Variants in TRPM4 observed in about 807,000 individuals in gnomAD.
TRPM4 encodes transient receptor potential cation channel subfamily M member 4.
Under a neutral mutation model 135.6 loss-of-function variants are expected in TRPM4, and 124 were observed. The observed-to-expected ratio is 0.91, with a 90% CI of 0.79 to 1.06. TRPM4 has a LOEUF of 1.06. Among genes scored for constraint, TRPM4 ranks in the 50% least tolerant of loss-of-function variants. The pLI, the probability that TRPM4 is intolerant of heterozygous loss-of-function variation, is 0.00. For missense variants in TRPM4, 1,658 were observed against 1,671.4 expected, an observed-to-expected ratio of 0.99 and a Z score of 0.14; for synonymous variants, 745 against 705.6, an observed-to-expected ratio of 1.06 and a Z score of -0.88.
chr19:49,211,193 G>T lies in TRPM4; in HGVS notation c.3564G>T (p.Trp1188Cys). Reference protein sequence around the residue: ...EVQQCSRVLGWVAEALSRSAL... With the variant: ...EVQQCSRVLGCVAEALSRSAL... ...AGCAGTGTAGCCGCGTCCTGGGGTG[G>T]GTGGCCGAGGCCCTGAGCCGCTCTG... The change falls in exon 24 of 25, where the codon TGG (tryptophan) becomes TGT (cysteine). Residue 1188 changes from tryptophan (W) to cysteine (C), a missense_variant. This residue lies in a region of TRPM4 where 1,412 missense variants were observed against 1,408.7 expected (regional missense o/e 1.00). Transcript: ENST00000252826. The surrounding 1 kb of genome is among the most constrained non-coding windows in gnomAD (Gnocchi z 4.8). 1 of 1,603,162 alleles carries T rather than the reference G, an allele frequency of 6.2e-7. No individual in the cohort carries two copies. The highest frequency in any genetic ancestry group is 8.5e-7 in the Non-Finnish European group (1 of 1,175,604).
Position 49,166,075 on chromosome 19 carries a change from G to T in TRPM4, c.127G>T (p.Ala43Ser), listed in dbSNP as rs112149155. 2 of 1,600,998 alleles carry T rather than the reference G, an allele frequency of 1.2e-6. No individual in the cohort carries two copies. Among genetic ancestry groups the T allele is most frequent in the South Asian group, 2.2e-5 (2 of 89,056 alleles). ...TLCQCGRPRT[A>S]HPAVAMEDAF... ...GTGCCAGTGTGGGCGCCCCCGGACC[G>T]CCCACCCCGCAGTGGCCATGGAGGA... The change falls in exon 3 of 25, where the codon GCC (alanine) becomes TCC (serine). Residue 43 changes from alanine to serine, a missense_variant. Physicochemically the swap from Ala to Ser is moderately conservative, Grantham distance 99. Transcript: ENST00000252826.
chr19:49,182,556 C>T (rs747015539), intron 10 of TRPM4, 22 bp from the exon 11 acceptor site: 3 of 1,603,376 alleles, frequency 1.9e-6, no homozygotes, highest in Admixed American at 1.7e-5. Context: ...AATCTCTTCC[C>T]CTATTCATCC....
Position 49,210,492 on chromosome 19 carries a change from T to G in TRPM4, c.3328+87T>G, listed in dbSNP as rs957848703. On this transcript the variant is annotated intron_variant, in intron 21 of 24. Coordinates refer to ENST00000252826, the MANE Select transcript of TRPM4 (RefSeq NM_017636.4). This position sits in a 1 kb window ranked among gnomAD's most constrained non-coding sequence, Gnocchi z 4.1. ...GGGAAGGGGGCATGCCCCAAATGAC[T>G]AACGGGCGTGGCTTAGGTAGCGAGG... 2 of 1,523,344 alleles carry G rather than the reference T, an allele frequency of 1.3e-6. No homozygotes were observed. The highest frequency in any genetic ancestry group is 2.7e-5 in the African/African-American group (2 of 73,236). The allele number at this position is 1,523,344 out of a possible 1,614,324, so 94.4% of individuals were successfully genotyped here.
chr19:49,205,696 C>G (rs948921834), intron 20 of TRPM4, among the ~76,000 whole-genome samples: 11 of 151,536 alleles, frequency 7.3e-5, no homozygotes, highest in African/African-American at 2.7e-4. Flanking sequence ...CCACTATACA[C>G]AGCTAATTTT....
intron 3 of TRPM4, among the ~76,000 whole-genome samples, chr19:49,166,502 C>G (rs1331411765): frequency 1.7e-5 from 1 of 57,954 alleles, no homozygotes; most frequent in Non-Finnish European, 3.9e-5. Flanking sequence ...CTGTCCCCCT[C>G]TCTCTCTGGG....
At chr19:49,190,126 G>A in intron 14 of TRPM4, 82 bp from the exon 15 acceptor site, 1 of 1,126,708 alleles carries the variant, frequency 8.9e-7, no homozygotes, top group Non-Finnish European at 1.4e-6. Flanking sequence ...GTACTCTGGA[G>A]CTGCAGTCCA....
In TRPM4 at chr19:49,188,962, C is replaced by T; in HGVS notation, c.1890C>T (p.Cys630=). The change falls in exon 14 of 25, where the codon TGC becomes TGT. Residue 630 remains cysteine, a synonymous_variant. Coordinates refer to ENST00000252826, the MANE Select transcript of TRPM4 (RefSeq NM_017636.4). ...EGMGVDLFGE[C]YRSSEVRAAR... is the part of the protein sequence containing the mutation. ...CTGCCCCAGACCTCTTTGGCGAGTG[C>T]TATCGCAGCAGTGAGGTGAGGGCTG... 1.2e-6 allele frequency: 2 copies of T among 1,614,130 alleles called. No individual in the cohort carries two copies. Among genetic ancestry groups the T allele is most frequent in the Non-Finnish European group, 1.7e-6 (2 of 1,180,032 alleles).
intron 20 of TRPM4, among the ~76,000 whole-genome samples, chr19:49,202,914 G>A (rs1208402343): frequency 4.1e-5 from 5 of 122,334 alleles, no homozygotes; most frequent in Middle Eastern, 0.011. Flanking sequence ...ACGGAGTCTC[G>A]CTGTGTCACC....
chr19:49,202,585 A>G (rs1205619619), intron 20 of TRPM4, among the ~76,000 whole-genome samples: 1 of 152,050 alleles, frequency 6.6e-6, no homozygotes, highest in East Asian at 1.9e-4. Context: ...CCTGGACTCA[A>G]GTGATCCTCC....
intron 2 of TRPM4, among the ~76,000 whole-genome samples, chr19:49,160,825 G>A (rs1316112609): frequency 1.3e-5 from 2 of 152,106 alleles, no homozygotes; most frequent in Admixed American, 6.6e-5. Flanking sequence ...GTAGTGGCCT[G>A]AGCCAGGTCA....
At chr19:49,190,348 G>C in intron 15 of TRPM4, 28 bp downstream of exon 15, 1 of 1,598,286 alleles carries the variant, frequency 6.3e-7, no homozygotes, top group Non-Finnish European at 8.6e-7. Context: ...AGAGTGGTGG[G>C]GATGGGGGCG....
chr19:49,159,449 T>G (rs1307256092), intron 2 of TRPM4: 3 of 152,250 alleles, frequency 2.0e-5, no homozygotes, highest in Non-Finnish European at 4.4e-5. Flanking sequence ...ATTACAGGTG[T>G]GAGCCACCGC....
At chr19:49,190,150 G>T (rs948746851) in intron 14 of TRPM4, 58 bp from the exon 15 acceptor site, 1 of 1,451,190 alleles carries the variant, frequency 6.9e-7, no homozygotes, top group Admixed American at 1.7e-5. Flanking sequence ...CTTGCTGGGC[G>T]TCTTAGGGAC....
intron 12 of TRPM4, among the ~76,000 whole-genome samples, chr19:49,185,766 G>C (rs1344216070): frequency 6.6e-6 from 1 of 151,422 alleles, no homozygotes; most frequent in African/African-American, 2.4e-5. Context: ...TTTGGGGGGA[G>C]GGGGGATGGA....
chr19:49,200,489 G>A, intron 18 of TRPM4, 57 bp downstream of exon 18: 1 of 1,594,310 alleles, frequency 6.3e-7, no homozygotes, highest in Non-Finnish European at 8.6e-7. Flanking sequence ...GTGGGGCCAG[G>A]GAGGGAGTGG....
chr19:49,209,961 C>G (rs553919626), intron 20 of TRPM4, among the ~76,000 whole-genome samples: 2 of 152,076 alleles, frequency 1.3e-5, no homozygotes, highest in African/African-American at 4.8e-5. Context: ...GTTAGCCAGG[C>G]TGGTCTCGAA....
At chr19:49,186,899 C>T (rs554150177) in intron 12 of TRPM4, among the ~76,000 whole-genome samples, 3 of 151,506 alleles carry the variant, frequency 2.0e-5, no homozygotes, top group Non-Finnish European at 4.4e-5. Flanking sequence ...GATTTTAACA[C>T]ACACTGCCTG....
At position 49,188,982 on chromosome 19, in the gene TRPM4, G is replaced by A. The variant is rs754840657; in HGVS notation, c.1910G>A (p.Arg637Lys). 1 of 1,614,034 alleles carries A rather than the reference G, an allele frequency of 6.2e-7. No individual in the cohort carries two copies. Among genetic ancestry groups the A allele is most frequent in the South Asian group, 1.1e-5 (1 of 91,094 alleles). ...FGECYRSSEVRAARLLLRRCP... is the reference protein window; with the variant it reads ...FGECYRSSEVKAARLLLRRCP... Reference sequence around the variant, plus strand: ...GAGTGCTATCGCAGCAGTGAGGTGAGGGCTGCCCGCCTCCTCCTCCGTCGC... The same window carrying A: ...GAGTGCTATCGCAGCAGTGAGGTGAAGGCTGCCCGCCTCCTCCTCCGTCGC... Residue 637 changes from arginine to lysine, a missense_variant, in exon 14 of 25, where the codon AGG becomes AAG. Transcript: ENST00000252826.
At chr19:49,197,308 T>TTCTTTCTTTCTTTC (rs1161813900) in intron 17 of TRPM4, among the ~76,000 whole-genome samples, 14 of 122,248 alleles carry the variant, frequency 1.1e-4, no homozygotes, top group African/African-American at 4.5e-4. Context: ...CTTTCTTTCT[T>TTCTTTCTTTCTTTC]TTTCTTTCTT....
Sources: allele counts gnomAD v4.1 joint callset (sites outside exome capture counted in the v4.1 genomes callset), GRCh38; gene constraint gnomAD v4.1.1; regional missense constraint gnomAD v4.1.1; non-coding constraint Gnocchi (gnomAD v3.1); transcripts MANE v1.5; gene names NCBI Gene and HGNC (gene_info 2026-07-23, HGNC 2026-07-21).